NKAIN1: variants seen among roughly 807,000 people sequenced by gnomAD.
The protein encoded by NKAIN1 is sodium/potassium-transporting ATPase subunit beta-1-interacting protein 1.
Under a neutral mutation model 31.6 loss-of-function variants are expected in NKAIN1, and 13 were observed. The ratio of observed to expected loss-of-function variants is 0.41; its 90% CI spans 0.27 to 0.65. The LOEUF is 0.65. NKAIN1 is among the 30% of genes least tolerant of loss of function. NKAIN1 has a pLI of 0.30. For missense variants in NKAIN1, 193 were observed against 262.2 expected (o/e 0.74, Z 1.82); for synonymous variants, 104 against 109.0 (o/e 0.95, Z 0.28).
At chr1:31,194,635 G>C (rs1198400050) in intron 1 of NKAIN1, among the ~76,000 whole-genome samples, 1 of 151,502 alleles carries the variant, frequency 6.6e-6, no homozygotes, top group Non-Finnish European at 1.5e-5. Flanking sequence ...TCAAACTCCC[G>C]ACCTCAGGTG....
chr1:31,234,445 GC>G (rs1050572158), intron 1 of NKAIN1, among the ~76,000 whole-genome samples: 5 of 134,650 alleles, frequency 3.7e-5, no homozygotes, highest in African/African-American at 8.8e-5. Flanking sequence ...GCTACATCCC[GC>G]CCCCCGCCCC....
chr1:31,196,115 A>G (rs1331192235), intron 1 of NKAIN1, among the ~76,000 whole-genome samples: 1 of 152,008 alleles, frequency 6.6e-6, no homozygotes, highest in African/African-American at 2.4e-5. Context: ...GATGTGGCTC[A>G]GGCCTGTAAT....
intron 1 of NKAIN1, among the ~76,000 whole-genome samples, chr1:31,193,107 C>T (rs1372224440): frequency 6.6e-6 from 1 of 150,940 alleles, no homozygotes; most frequent in African/African-American, 2.4e-5. Context: ...CTCACTCTGT[C>T]TCCCAGGCTG....
chr1:31,199,419 A>AC (rs1645359488), intron 1 of NKAIN1, among the ~76,000 whole-genome samples: 1 of 151,230 alleles, frequency 6.6e-6, no homozygotes, highest in African/African-American at 2.4e-5. Context: ...CCAACCTCAG[A>AC]CCCCCCTTTT....
chr1:31,194,446 A>C (rs950171628), intron 1 of NKAIN1, among the ~76,000 whole-genome samples: 1 of 110,246 alleles, frequency 9.1e-6, no homozygotes, highest in African/African-American at 3.7e-5. Flanking sequence ...TTCACTCGTC[A>C]CCCAGGCTGG....
intron 1 of NKAIN1, among the ~76,000 whole-genome samples, chr1:31,238,215 G>T (rs1473467235): frequency 6.6e-6 from 1 of 152,198 alleles, no homozygotes; most frequent in Non-Finnish European, 1.5e-5. Context: ...TTTGAAGCTG[G>T]TGTCCCCAGG....
At chr1:31,185,779 A>C (rs1645236951) in intron 2 of NKAIN1, among the ~76,000 whole-genome samples, 1 of 152,122 alleles carries the variant, frequency 6.6e-6, no homozygotes, top group African/African-American at 2.4e-5. Context: ...TTTAAAAGGG[A>C]TTGCTTAAGC....
chr1:31,199,908 G>A (rs1645363785), intron 1 of NKAIN1, among the ~76,000 whole-genome samples: 1 of 152,114 alleles, frequency 6.6e-6, no homozygotes, highest in African/African-American at 2.4e-5. Context: ...TCTGGGAGCT[G>A]ATGAGCTGAT....
Position 31,239,401 on chromosome 1 carries a change from A to G in NKAIN1, c.54+93T>C. On this transcript the variant is annotated intron_variant, in intron 1 of 6. Transcript: ENST00000373736. This position sits in a 1 kb window ranked among gnomAD's most constrained non-coding sequence, Gnocchi z 4.8. ...GCCCGGGCACACGCACCAGACACAC[A>G]CACAGAGACACACGCAACCCCACCC... 1.0e-6 allele frequency: 1 copy of G among 969,118 alleles called. No homozygotes were observed. The highest frequency in any genetic ancestry group is 1.4e-6 in the Non-Finnish European group (1 of 716,466). 60.0% of individuals were successfully genotyped at this position (969,118 alleles called of 1,614,324 possible). A position where few individuals can be genotyped will look rare whatever the true frequency, so the allele number is the denominator to read the frequency against.
Position 31,239,468 on chromosome 1 carries a change from C to G in NKAIN1, c.54+26G>C. 6.9e-7 allele frequency: 1 copy of G among 1,439,092 alleles called. No homozygotes were observed. 89.1% of individuals were successfully genotyped at this position (1,439,092 alleles called of 1,614,324 possible). ...CGCCCCGCCGCGCCCCACCCTGCCC[C>G]GACTGCCTGGGCACGCGACGCTTAC... On this transcript the variant is annotated intron_variant, in intron 1 of 6. Coordinates refer to ENST00000373736, the MANE Select transcript of NKAIN1 (RefSeq NM_024522.3). This position sits in a 1 kb window ranked among gnomAD's most constrained non-coding sequence, Gnocchi z 4.8.
chr1:31,226,028 A>G (rs1645601455), intron 1 of NKAIN1, among the ~76,000 whole-genome samples: 1 of 152,226 alleles, frequency 6.6e-6, no homozygotes. Context: ...AGATTATGTT[A>G]TGAAGCTTCA....
intron 1 of NKAIN1, among the ~76,000 whole-genome samples, chr1:31,236,829 A>T (rs1645695834): frequency 6.6e-6 from 1 of 152,114 alleles, no homozygotes; most frequent in Non-Finnish European, 1.5e-5. Context: ...AGGCAGAGAG[A>T]CACTCTACCA....
intron 1 of NKAIN1, among the ~76,000 whole-genome samples, chr1:31,211,942 AAAAAC>A (rs146235053): frequency 0.073 from 11,070 of 151,770 alleles, 974 homozygotes; most frequent in African/African-American, 0.21. Flanking sequence ...ACTCTGTCTC[AAAAAC>A]AAAACAAAAC....
intron 1 of NKAIN1, among the ~76,000 whole-genome samples, chr1:31,234,828 G>A (rs999893100): frequency 2.3e-4 from 35 of 152,174 alleles, no homozygotes; most frequent in African/African-American, 5.3e-4. Context: ...AGAGTAGCAC[G>A]GGGCTGAGAG....
At chr1:31,215,453 C>A (rs1411098726) in intron 1 of NKAIN1, among the ~76,000 whole-genome samples, 2 of 152,216 alleles carry the variant, frequency 1.3e-5, no homozygotes, top group African/African-American at 4.8e-5. Flanking sequence ...TGATGTGGGA[C>A]TGTTATCCCC....
rs1272617850 is a variant in NKAIN1 at position 31,194,536 on chromosome 1, A to G, written c.55-6349T>C. On this transcript the variant is annotated intron_variant, in intron 1 of 6. Transcript: ENST00000373736. ...ATTCTCCTGCCTCAGCCTCCCGAGT[A>G]GCTGGGATTACAGGTGTGTGCCTCC... 4.7e-5 allele frequency among the ~76,000 whole-genome samples: 7 copies of G among 148,702 alleles called. No homozygotes were observed. In the Admixed American group the frequency reaches 4.8e-4, roughly 10 times the overall value.
At chr1:31,216,690 T>TTTTATCTATTTATCTATCTATTTA (rs369336386) in intron 1 of NKAIN1, among the ~76,000 whole-genome samples, 3 of 140,490 alleles carry the variant, frequency 2.1e-5, no homozygotes, top group East Asian at 2.2e-4. Flanking sequence ...TGGCATTGAC[T>TTTTATCTATTTATCTATCTATTTA]TTTATTTATT....
At chr1:31,182,712 G>T in intron 4 of NKAIN1, 122 bp from the exon 5 acceptor site, 1 of 903,744 alleles carries the variant, frequency 1.1e-6, no homozygotes, top group Non-Finnish European at 1.7e-6. Flanking sequence ...AAGGCAAACC[G>T]TAACAACTTC....
intron 1 of NKAIN1, among the ~76,000 whole-genome samples, chr1:31,228,258 A>G (rs1314183817): frequency 6.6e-6 from 1 of 152,214 alleles, no homozygotes; most frequent in Non-Finnish European, 1.5e-5. Context: ...CCTCCTCCCA[A>G]AAAACAGGCT....
Sources: allele counts gnomAD v4.1 joint callset (sites outside exome capture counted in the v4.1 genomes callset), GRCh38; gene constraint gnomAD v4.1.1; non-coding constraint Gnocchi (gnomAD v3.1); transcripts MANE v1.5; gene names NCBI Gene and HGNC (gene_info 2026-07-23, HGNC 2026-07-21).